ADGRG6: variants seen among roughly 807,000 people sequenced by gnomAD.
The protein encoded by ADGRG6 is adhesion G protein-coupled receptor G6.
A neutral mutation model predicts 142.4 loss-of-function variants in ADGRG6; 84 were observed. The ratio of observed to expected loss-of-function variants is 0.59; its 90% CI spans 0.49 to 0.71. ADGRG6 has a LOEUF of 0.71. Ranked by LOEUF, ADGRG6 falls within the 30% of genes least tolerant of loss-of-function variation. ADGRG6 has a pLI of 0.00. For synonymous variants in ADGRG6, 521 were observed against 520.5 expected, an observed-to-expected ratio of 1.00 and a Z score of -0.01; for missense variants, 1,367 against 1,466.6, an observed-to-expected ratio of 0.93 and a Z score of 1.11.
chr6:142,426,886 T>A (rs1405051702), intron 22 of ADGRG6, among the ~76,000 whole-genome samples: 1 of 152,194 alleles, frequency 6.6e-6, no homozygotes, highest in Non-Finnish European at 1.5e-5. Flanking sequence ...GAGCTGTACC[T>A]TGGACTCTTA....
At chr6:142,420,724 C>T (rs1386085507) in intron 22 of ADGRG6, among the ~76,000 whole-genome samples, 21 of 152,250 alleles carry the variant, frequency 1.4e-4, no homozygotes, top group Non-Finnish European at 8.8e-5. Context: ...ACCAGGCTTC[C>T]TTCAAAGAGC....
intron 2 of ADGRG6, among the ~76,000 whole-genome samples, chr6:142,316,684 C>G (rs1046993174): frequency 2.0e-5 from 3 of 152,102 alleles, no homozygotes; most frequent in African/African-American, 2.4e-5. Context: ...AGCTGTATCA[C>G]TGGCCTTATT....
At chr6:142,427,761 A>G (rs1777019365) in intron 22 of ADGRG6, among the ~76,000 whole-genome samples, 2 of 152,226 alleles carry the variant, frequency 1.3e-5, no homozygotes, top group South Asian at 4.1e-4. Flanking sequence ...GCGGAGGGCA[A>G]GAAGGAGGAA....
chr6:142,381,101 C>T (rs575442783), intron 4 of ADGRG6, among the ~76,000 whole-genome samples: 2 of 152,288 alleles, frequency 1.3e-5, no homozygotes, highest in African/African-American at 2.4e-5. Context: ...TTATGCATAC[C>T]GTTTACCTAG....
chr6:142,418,295 TAAAAAAAAAAAAA>T (rs541243272), intron 21 of ADGRG6, among the ~76,000 whole-genome samples: 1 of 79,786 alleles, frequency 1.3e-5, no homozygotes, highest in Non-Finnish European at 2.5e-5. Flanking sequence ...AGACTCCATC[TAAAAAAAAAAAAA>T]AAAAAAAAAA....
chr6:142,302,155 C>G lies in ADGRG6; in HGVS notation c.-175C>G, dbSNP rs1184101194. On this transcript the variant is annotated 5_prime_UTR_variant, in exon 1 of 25. Coordinates refer to ENST00000367609, the MANE Select transcript of ADGRG6 (RefSeq NM_198569.3). ...TGAACGCTGCCGCGCCCAGGGTTCA[C>G]CTTGCGCCGTCGGGAAAGCCCATGA... 1.5e-6 allele frequency: 1 copy of G among 655,784 alleles called. No homozygotes were observed. The highest frequency in any genetic ancestry group is 1.9e-5 in the African/African-American group (1 of 53,760). 40.6% of individuals were successfully genotyped at this position (655,784 alleles called of 1,614,324 possible).
intron 20 of ADGRG6, among the ~76,000 whole-genome samples, chr6:142,416,449 A>C (rs1036352808): frequency 6.6e-6 from 1 of 152,168 alleles, no homozygotes; most frequent in African/African-American, 2.4e-5. Flanking sequence ...ACACATGCCT[A>C]TGTCTTGGAA....
chr6:142,431,983 A>G (rs371211418), intron 22 of ADGRG6, among the ~76,000 whole-genome samples: 12 of 152,152 alleles, frequency 7.9e-5, no homozygotes, highest in African/African-American at 2.9e-4. Flanking sequence ...TTGGTTGTCA[A>G]CACAGAACTC....
intron 2 of ADGRG6, among the ~76,000 whole-genome samples, chr6:142,349,171 CTT>C (rs1229221943): frequency 6.6e-6 from 1 of 152,200 alleles, no homozygotes; most frequent in Non-Finnish European, 1.5e-5. Context: ...CTCAGTGCCT[CTT>C]GTTTCAATCA....
At chr6:142,405,916 A>T in intron 15 of ADGRG6, 88 bp downstream of exon 15, 2 of 937,894 alleles carry the variant, frequency 2.1e-6, no homozygotes, top group South Asian at 3.9e-5. Context: ...CTGTTGAAAT[A>T]TATCAGAAGG....
At chr6:142,434,444 C>T (rs901292697) in intron 22 of ADGRG6, among the ~76,000 whole-genome samples, 1 of 151,990 alleles carries the variant, frequency 6.6e-6, no homozygotes, top group African/African-American at 2.4e-5. Flanking sequence ...CCTGCTGCAG[C>T]CTCCTGAGTA....
intron 2 of ADGRG6, among the ~76,000 whole-genome samples, chr6:142,347,546 G>A (rs1379168890): frequency 6.6e-6 from 1 of 152,116 alleles, no homozygotes; most frequent in African/African-American, 2.4e-5. Flanking sequence ...CATCTGATGA[G>A]AGTCTTGATC....
intron 2 of ADGRG6, among the ~76,000 whole-genome samples, chr6:142,362,409 A>C (rs1196966715): frequency 6.6e-6 from 1 of 152,180 alleles, no homozygotes; most frequent in African/African-American, 2.4e-5. Flanking sequence ...GTGTGAATGA[A>C]CTGGTATTCT....
At chr6:142,436,944 C>G (rs905362284) in intron 22 of ADGRG6, among the ~76,000 whole-genome samples, 1 of 152,164 alleles carries the variant, frequency 6.6e-6, no homozygotes, top group Non-Finnish European at 1.5e-5. Flanking sequence ...AAAAAGACCA[C>G]TTTTCTATGG....
chr6:142,422,476 C>T (rs1354412419), intron 22 of ADGRG6, among the ~76,000 whole-genome samples: 51 of 152,168 alleles, frequency 3.4e-4, no homozygotes, highest in Admixed American at 3.3e-3. Context: ...CATCCATGTC[C>T]CTACAAAGGA....
chr6:142,436,878 A>AATT (rs978485429), intron 22 of ADGRG6, among the ~76,000 whole-genome samples: 7 of 152,158 alleles, frequency 4.6e-5, no homozygotes, highest in Admixed American at 1.3e-4. Context: ...TGAAAAGCTA[A>AATT]AGTAGGCCAG....
chr6:142,370,378 C>T lies in ADGRG6; in HGVS notation c.654C>T (p.Ala218=). ...SFTQLLSFGK[A]KSGYFLSISD... ...CACAATTGCTCAGTTTTGGAAAGGCCAAGAGTGGCTACTTTCTATCCATTT... is the reference window on the plus strand; with the variant it reads ...CACAATTGCTCAGTTTTGGAAAGGCTAAGAGTGGCTACTTTCTATCCATTT... The change falls in exon 4 of 25, where the codon GCC becomes GCT. Residue 218 remains alanine, a synonymous_variant. Transcript: ENST00000367609. 1 of 1,613,206 alleles carries T rather than the reference C, an allele frequency of 6.2e-7. No homozygotes were observed. The highest frequency in any genetic ancestry group is 1.1e-5 in the South Asian group (1 of 91,048).
chr6:142,378,738 A>G (rs1015090151), intron 4 of ADGRG6, among the ~76,000 whole-genome samples: 7 of 152,294 alleles, frequency 4.6e-5, no homozygotes, highest in Admixed American at 3.3e-4. Flanking sequence ...TCATTCCCAC[A>G]CAACTCAAAC....
intron 6 of ADGRG6, among the ~76,000 whole-genome samples, chr6:142,389,564 G>A (rs557738075): frequency 6.6e-6 from 1 of 151,978 alleles, no homozygotes; most frequent in Admixed American, 6.6e-5. Context: ...CCCACCCAAA[G>A]AGCAGAATCT....
Sources: gnomAD v4.1 joint callset for allele counts (sites outside exome capture counted in the v4.1 genomes callset) on GRCh38, gnomAD v4.1.1 for gene constraint, MANE v1.5 for transcripts, NCBI Gene and HGNC (gene_info 2026-07-23, HGNC 2026-07-21) for gene names.